ZNF664: variants seen among roughly 807,000 people sequenced by gnomAD.
ZNF664 encodes the protein zinc finger protein 664, also known as zinc finger Organ of Corti 1.
A neutral mutation model predicts 18.2 loss-of-function variants in ZNF664; 10 were observed. That is an observed-to-expected ratio of 0.55 (90% CI 0.34 to 0.93). The LOEUF (loss-of-function observed/expected upper bound fraction) is 0.93. Among genes scored for constraint, ZNF664 ranks in the 40% least tolerant of loss-of-function variants. The pLI is 0.02. For missense variants in ZNF664, 193 were observed against 319.0 expected (o/e 0.61, Z 3.01); for synonymous variants, 119 against 104.2 (o/e 1.14, Z -0.86).
intron 2 of ZNF664, among the ~76,000 whole-genome samples, chr12:123,977,392 T>A (rs959187269): frequency 1.3e-5 from 2 of 150,382 alleles, no homozygotes; most frequent in Non-Finnish European, 2.9e-5. Context: ...GGAGTGACCA[T>A]GTATTAGTAT....
Position 124,011,742 on chromosome 12 carries a change from G to A in ZNF664, c.-403G>A, listed in dbSNP as rs549360009. ...CATCCTTCGATACAGGGGATATACTGTACAGTCCTTTTTCTAGAAGTGAGA... is the reference window on the plus strand; with the variant it reads ...CATCCTTCGATACAGGGGATATACTATACAGTCCTTTTTCTAGAAGTGAGA... On this transcript the variant is annotated 5_prime_UTR_variant, in exon 5 of 5. Coordinates refer to ENST00000337815, the MANE Select transcript of ZNF664 (RefSeq NM_152437.3). 2.8e-6 allele frequency: 3 copies of A among 1,065,406 alleles called. No individual in the cohort carries two copies. In the African/African-American group the frequency reaches 5.2e-5, roughly 18 times the overall value. 66.0% of individuals were successfully genotyped at this position (1,065,406 alleles called of 1,614,324 possible).
chr12:123,997,402 G>A (rs1262068171), intron 3 of ZNF664, among the ~76,000 whole-genome samples: 1 of 152,194 alleles, frequency 6.6e-6, no homozygotes, highest in Non-Finnish European at 1.5e-5. Flanking sequence ...AGTTCTGGAG[G>A]CTGGAATTCT....
intron 2 of ZNF664, among the ~76,000 whole-genome samples, chr12:123,978,852 A>G (rs756611239): frequency 2.6e-5 from 4 of 152,232 alleles, no homozygotes; most frequent in Admixed American, 6.5e-5. Flanking sequence ...TAACAGACCC[A>G]TTTTTATATC....
At chr12:123,992,725 A>C (rs146452295) in intron 3 of ZNF664, among the ~76,000 whole-genome samples, 1 of 152,178 alleles carries the variant, frequency 6.6e-6, no homozygotes, top group Non-Finnish European at 1.5e-5. Flanking sequence ...AGGTCATTCT[A>C]CTTTTCAGAA....
At chr12:123,989,892 C>G (rs1188137690) in intron 3 of ZNF664, among the ~76,000 whole-genome samples, 1 of 88,060 alleles carries the variant, frequency 1.1e-5, no homozygotes, top group East Asian at 2.2e-4. Context: ...GAATTCTATT[C>G]TTAGGATTCT....
At chr12:123,997,531 T>A (rs1267578927) in intron 3 of ZNF664, among the ~76,000 whole-genome samples, 1 of 152,196 alleles carries the variant, frequency 6.6e-6, no homozygotes, top group African/African-American at 2.4e-5. Context: ...TGTAGACATA[T>A]CACTTCACTC....
chr12:124,007,569 A>G (rs1357843196), intron 3 of ZNF664, among the ~76,000 whole-genome samples: 1 of 152,138 alleles, frequency 6.6e-6, no homozygotes, highest in African/African-American at 2.4e-5. Flanking sequence ...CTCAGGATTG[A>G]CTGGGGAAAT....
Position 124,012,233 on chromosome 12 carries a change from C to T in ZNF664, c.89C>T (p.Pro30Leu). Residue 30 changes from proline to leucine, a missense_variant, in exon 5 of 5, where the codon CCC (proline) becomes CTC (leucine). Transcript: ENST00000337815. ...CAGAAAATTCACACAGCTGAGAAGC[C>T]CCATAAATGTGACAAGTGTGATAAG... ...MHQKIHTAEK[P>L]HKCDKCDKGF... The T allele has an allele frequency of 6.2e-7, 1 of 1,614,100 alleles. No individual in the cohort carries two copies. The highest frequency in any genetic ancestry group is 8.5e-7 in the Non-Finnish European group (1 of 1,180,026).
chr12:124,004,716 C>G (rs1957050938), intron 3 of ZNF664, among the ~76,000 whole-genome samples: 1 of 152,170 alleles, frequency 6.6e-6, no homozygotes, highest in South Asian at 2.1e-4. Flanking sequence ...CCATTGCTTG[C>G]ATTACCTCCT....
rs1382011967 is a variant in ZNF664, at chr12:124,014,545, G to A, written c.*1615G>A. 1.2e-5 allele frequency: 2 copies of A among 167,060 alleles called. No individual in the cohort carries two copies. The highest frequency in any genetic ancestry group is 4.8e-5 in the African/African-American group (2 of 41,438). 10.3% of individuals were successfully genotyped at this position (167,060 alleles called of 1,614,324 possible). On this transcript the variant is annotated 3_prime_UTR_variant, in exon 5 of 5. Transcript: ENST00000337815. ...TTCTCTTCTCATTCCTGTTTTCATT[G>A]ATTTCCCACATGTAGTCCTTTTGCT... is the stretch of plus-strand genomic sequence containing the variant.
At chr12:123,994,999 ATC>A (rs1956931317) in intron 3 of ZNF664, among the ~76,000 whole-genome samples, 1 of 152,252 alleles carries the variant, frequency 6.6e-6, no homozygotes, top group Non-Finnish European at 1.5e-5. Flanking sequence ...GGCAAAGAAC[ATC>A]TGTTACAGTA....
intron 3 of ZNF664, among the ~76,000 whole-genome samples, chr12:124,001,508 T>C (rs1375300102): frequency 6.6e-6 from 1 of 152,172 alleles, no homozygotes; most frequent in Non-Finnish European, 1.5e-5. Flanking sequence ...CCCCTCACCA[T>C]GGTCCTCCAC....
intron 3 of ZNF664, among the ~76,000 whole-genome samples, chr12:124,009,711 T>C (rs191013174): frequency 5.4e-4 from 82 of 152,254 alleles, no homozygotes; most frequent in African/African-American, 1.9e-3. Flanking sequence ...AGACAGGGTC[T>C]CCCTATGTTG....
At chr12:123,992,305 T>C (rs1450218679) in intron 3 of ZNF664, among the ~76,000 whole-genome samples, 2 of 152,172 alleles carry the variant, frequency 1.3e-5, no homozygotes, top group African/African-American at 4.8e-5. Context: ...GGAGTCAAGC[T>C]GAGTCACAGG....
intron 3 of ZNF664, among the ~76,000 whole-genome samples, chr12:123,994,677 G>A (rs1197581654): frequency 6.6e-6 from 1 of 152,166 alleles, no homozygotes; most frequent in African/African-American, 2.4e-5. Flanking sequence ...TCTGTGACAT[G>A]ACACCAAAAC....
At chr12:123,982,994 A>G (rs1030116333) in intron 2 of ZNF664, among the ~76,000 whole-genome samples, 5 of 152,156 alleles carry the variant, frequency 3.3e-5, no homozygotes, top group Admixed American at 6.5e-5. Context: ...GTCTCTACCA[A>G]AAATACAAAA....
chr12:123,985,141 A>G (rs764914531), intron 2 of ZNF664, among the ~76,000 whole-genome samples: 50 of 152,138 alleles, frequency 3.3e-4, no homozygotes, highest in Non-Finnish European at 2.6e-4. Context: ...AGTGAAAGTG[A>G]GAAGAGTGAA....
chr12:123,997,711 C>G (rs1566203268), intron 3 of ZNF664: 4 of 152,166 alleles, frequency 2.6e-5, no homozygotes, highest in African/African-American at 9.7e-5. Flanking sequence ...AGGTCACATC[C>G]TGAGGTTCTG....
At position 124,015,032 on chromosome 12, in the gene ZNF664, A is replaced by G. The variant is rs1175397017; in HGVS notation, c.*2102A>G. The G allele has an allele frequency of 6.0e-6, 1 of 167,134 alleles. No homozygotes were observed. The highest frequency in any genetic ancestry group is 2.1e-4 in the South Asian group (1 of 4,836). The allele number at this position is 167,134 out of a possible 1,614,324, so 10.4% of individuals were successfully genotyped here. On this transcript the variant is annotated 3_prime_UTR_variant, in exon 5 of 5. Coordinates refer to ENST00000337815, the MANE Select transcript of ZNF664 (RefSeq NM_152437.3). ...TGTCTTATCACTCTTTCATGTCACA[A>G]TAGCGTGGAGCATTAGAGAAAAGCC...
Sources: gnomAD v4.1 joint callset for allele counts (sites outside exome capture counted in the v4.1 genomes callset) on GRCh38, gnomAD v4.1.1 for gene constraint, MANE v1.5 for transcripts, NCBI Gene and HGNC (gene_info 2026-07-23, HGNC 2026-07-21) for gene names.